TNFSF10: variants seen among roughly 807,000 people sequenced by gnomAD.
TNFSF10 encodes the protein tumor necrosis factor ligand superfamily member 10.
A neutral mutation model predicts 29.5 loss-of-function variants in TNFSF10; 13 were observed. That is an observed-to-expected ratio of 0.44 (90% CI 0.29 to 0.70). The LOEUF (loss-of-function observed/expected upper bound fraction) is 0.70, where lower values mean the gene tolerates loss of function less well. Ranked by LOEUF, TNFSF10 falls within the 30% of genes least tolerant of loss-of-function variation. TNFSF10 has a pLI of 0.13. For missense variants in TNFSF10, 345 were observed against 330.9 expected, an observed-to-expected ratio of 1.04 and a Z score of -0.33; for synonymous variants, 111 against 112.8, an observed-to-expected ratio of 0.98 and a Z score of 0.10.
At position 172,517,899 on chromosome 3, in the gene TNFSF10, CA is replaced by C. The variant is rs1324117437; in HGVS notation, c.133-2902del. On this transcript the variant is annotated intron_variant, in intron 1 of 4. Transcript: ENST00000241261. ...TTATGCATAAATATTGATTTCTGAACAATAGAAATCCAGAGAGGAAGCCCCA... is the reference window on the plus strand; with the variant it reads ...TTATGCATAAATATTGATTTCTGAACATAGAAATCCAGAGAGGAAGCCCCA... The C allele has an allele frequency of 5.1e-6, 5 of 985,366 alleles. No individual in the cohort carries two copies. The East Asian group carries it at 4.5e-4, about 89-fold the overall frequency. 61.0% of individuals were successfully genotyped at this position (985,366 alleles called of 1,614,324 possible).
At chr3:172,515,072 A>G (rs1713376490) in intron 1 of TNFSF10, 74 bp from the exon 2 acceptor site, 1 of 1,597,584 alleles carries the variant, frequency 6.3e-7, no homozygotes, top group South Asian at 1.1e-5. Flanking sequence ...AAGTTAAGAC[A>G]ACAGAAACTG....
chr3:172,515,756 A>G (rs964274697), intron 1 of TNFSF10, among the ~76,000 whole-genome samples: 1 of 152,118 alleles, frequency 6.6e-6, no homozygotes, highest in Non-Finnish European at 1.5e-5. Flanking sequence ...GCTTGATGTT[A>G]TAAACACACA....
At chr3:172,511,866 A>C (rs1001427891) in intron 2 of TNFSF10, among the ~76,000 whole-genome samples, 1 of 152,220 alleles carries the variant, frequency 6.6e-6, no homozygotes, top group African/African-American at 2.4e-5. Context: ...CAGCACAGCA[A>C]TCAAGGGATG....
In TNFSF10 at chr3:172,507,033, A is replaced by T. The variant is rs1713019035; in HGVS notation, c.419-114T>A. On this transcript the variant is annotated intron_variant, in intron 4 of 4. Coordinates refer to ENST00000241261, the MANE Select transcript of TNFSF10 (RefSeq NM_003810.4). ...TTTTGTTGGGCTTGCCAGGGATTTCAATCTAATATCAAACTTCTTCCTCCT... is the reference window on the plus strand; with the variant it reads ...TTTTGTTGGGCTTGCCAGGGATTTCTATCTAATATCAAACTTCTTCCTCCT... 3.4e-6 allele frequency: 3 copies of T among 869,748 alleles called. No individual in the cohort carries two copies. In the East Asian group the frequency reaches 8.1e-5, roughly 23 times the overall value. The allele number at this position is 869,748 out of a possible 1,614,324, so 53.9% of individuals were successfully genotyped here.
rs1433419912 is a variant in TNFSF10 at position 172,511,672 on chromosome 3, T to A, written c.271-13A>T. The A allele has an allele frequency of 1.2e-6, 2 of 1,609,920 alleles. No homozygotes were observed. The highest frequency in any genetic ancestry group is 2.2e-5 in the South Asian group (2 of 90,802). ...TTCTCAAAATCATCTGCAAATATTATTGAATAAAGCTTGTTAATTTCCCTA... is the reference window on the plus strand; with the variant it reads ...TTCTCAAAATCATCTGCAAATATTAATGAATAAAGCTTGTTAATTTCCCTA... On this transcript the variant is annotated splice_polypyrimidine_tract_variant and intron_variant, in intron 2 of 4. Transcript: ENST00000241261.
At chr3:172,511,568 TC>T (rs1173486862) in intron 3 of TNFSF10, 48 bp downstream of exon 3, 1 of 1,477,122 alleles carries the variant, frequency 6.8e-7, no homozygotes. Flanking sequence ...TCACAACCTG[TC>T]ATGAAGATGA....
chr3:172,517,611 GGAT>G, intron 1 of TNFSF10: 1 of 985,268 alleles, frequency 1.0e-6, no homozygotes, highest in Non-Finnish European at 1.2e-6. Context: ...CTTAACCTTT[GGAT>G]GATATCTCTT....
At chr3:172,522,480 T>G (rs1226813992) in intron 1 of TNFSF10, 1 of 1,237,318 alleles carries the variant, frequency 8.1e-7, no homozygotes, top group Non-Finnish European at 1.2e-6. Flanking sequence ...AATCTCTTAC[T>G]GTGCACCTTT....
chr3:172,516,250 C>T (rs756951962), intron 1 of TNFSF10, among the ~76,000 whole-genome samples: 5 of 136,596 alleles, frequency 3.7e-5, no homozygotes, highest in South Asian at 4.5e-4. Flanking sequence ...GGCAACAGAG[C>T]GAGACTCCAT....
In TNFSF10 at chr3:172,514,908, T is replaced by C. The variant is rs755583625; in HGVS notation, c.223A>G (p.Ser75Gly). The C allele has an allele frequency of 6.2e-7, 1 of 1,614,230 alleles. No individual in the cohort carries two copies. Among genetic ancestry groups the C allele is most frequent in the South Asian group, 1.1e-5 (1 of 91,090 alleles). ...TGCCACTTGACTTGCCAGCAGGGGC[T>C]GTTCATACTCTCTTCGTCATTGGGG... ...WDPNDEESMNSPCWQVKWQLR... is the reference protein window; with the variant it reads ...WDPNDEESMNGPCWQVKWQLR... The change falls in exon 2 of 5, where the codon AGC becomes GGC. Residue 75 changes from serine to glycine, a missense_variant. By Grantham distance (56) the Ser-to-Gly change is moderately conservative (BLOSUM62 0). Coordinates refer to ENST00000241261, the MANE Select transcript of TNFSF10 (RefSeq NM_003810.4).
intron 2 of TNFSF10, among the ~76,000 whole-genome samples, chr3:172,514,403 C>T (rs1713348704): frequency 6.6e-6 from 1 of 152,106 alleles, no homozygotes. Flanking sequence ...CTCTTATTTT[C>T]CTCTTTCTTT....
chr3:172,514,664 G>A (rs1264991967), intron 2 of TNFSF10, among the ~76,000 whole-genome samples, 197 bp downstream of exon 2: 1 of 152,232 alleles, frequency 6.6e-6, no homozygotes, highest in Non-Finnish European at 1.5e-5. Context: ...GAGTCGGCCA[G>A]GTCCTGCCCT....
intron 1 of TNFSF10, among the ~76,000 whole-genome samples, chr3:172,520,407 A>G (rs762763109): frequency 6.6e-6 from 1 of 152,248 alleles, no homozygotes; most frequent in Non-Finnish European, 1.5e-5. Context: ...GAATAGGCAG[A>G]ATGCCAGTCC....
intron 3 of TNFSF10, among the ~76,000 whole-genome samples, chr3:172,510,560 G>A (rs1169092959): frequency 1.3e-5 from 2 of 152,160 alleles, no homozygotes; most frequent in Admixed American, 6.5e-5. Context: ...CTGCAAATAT[G>A]TATATCGAGG....
At chr3:172,510,747 C>A (rs1031755218) in intron 3 of TNFSF10, among the ~76,000 whole-genome samples, 2 of 151,740 alleles carry the variant, frequency 1.3e-5, no homozygotes, top group Admixed American at 6.6e-5. Flanking sequence ...CTGCTTTCAC[C>A]TTTGGAGAAA....
At chr3:172,516,029 G>C (rs914267072) in intron 1 of TNFSF10, among the ~76,000 whole-genome samples, 1 of 152,146 alleles carries the variant, frequency 6.6e-6, no homozygotes, top group Non-Finnish European at 1.5e-5. Flanking sequence ...CTGGGAGGCC[G>C]AGGCGGGTGA....
In TNFSF10 at chr3:172,506,352, A is replaced by T; in HGVS notation, c.*140T>A. 1 of 1,082,388 alleles carries T rather than the reference A, an allele frequency of 9.2e-7. No individual in the cohort carries two copies. The allele number at this position is 1,082,388 out of a possible 1,614,324, so 67.0% of individuals were successfully genotyped here. On this transcript the variant is annotated 3_prime_UTR_variant, in exon 5 of 5. Coordinates refer to ENST00000241261, the MANE Select transcript of TNFSF10 (RefSeq NM_003810.4). ...AGAATTTTTTGGTTGTGGCTGCTCT[A>T]CTCAGATTGCATAGAGGTTTTTTTG...
rs773741110 is a variant in TNFSF10, at chr3:172,523,417, C to A, written c.-33G>T. The A allele has an allele frequency of 6.3e-7, 1 of 1,592,670 alleles. No homozygotes were observed. On this transcript the variant is annotated 5_prime_UTR_variant, in exon 1 of 5. Coordinates refer to ENST00000241261, the MANE Select transcript of TNFSF10 (RefSeq NM_003810.4). The stretch of plus-strand genomic sequence containing the variant: ...TCAGAGTCTGACTGCTGTAAGTCAG[C>A]CAGGCAGCCGGTCACTGAAGCCCTT...
At chr3:172,509,719 T>C (rs1324463855) in intron 3 of TNFSF10, among the ~76,000 whole-genome samples, 1 of 152,214 alleles carries the variant, frequency 6.6e-6, no homozygotes, top group Non-Finnish European at 1.5e-5. Flanking sequence ...ATTTCCACCT[T>C]GAATTACATA....
Sources: allele counts gnomAD v4.1 joint callset (sites outside exome capture counted in the v4.1 genomes callset), GRCh38; gene constraint gnomAD v4.1.1; transcripts MANE v1.5; gene names NCBI Gene and HGNC (gene_info 2026-07-23, HGNC 2026-07-21).